The following CAMK4 variants were observed in gnomAD, a reference collection of about 807,000 sequenced individuals.
CAMK4 encodes the protein calcium/calmodulin-dependent protein kinase type IV.
In CAMK4, 22 loss-of-function variants were observed where a neutral mutation model predicts 44.9. The observed-to-expected ratio is 0.49, with a 90% CI of 0.35 to 0.70. The LOEUF (loss-of-function observed/expected upper bound fraction) is 0.70. Among genes scored for constraint, CAMK4 ranks in the 30% least tolerant of loss-of-function variants. The probability of loss-of-function intolerance (pLI) is 0.01; values close to 1 mark genes in which losing one functional copy is unlikely to be tolerated. For missense variants in CAMK4, 498 were observed against 586.8 expected (o/e 0.85, Z 1.56); for synonymous variants, 218 against 215.4 (o/e 1.01, Z -0.11).
chr5:111,279,070 T>C (rs1194971201), intron 1 of CAMK4, among the ~76,000 whole-genome samples: 1 of 152,148 alleles, frequency 6.6e-6, no homozygotes, highest in Non-Finnish European at 1.5e-5. Flanking sequence ...CCTTGGAATT[T>C]TGCAACACAG....
At chr5:111,470,243 C>G (rs1354054888) in intron 7 of CAMK4, among the ~76,000 whole-genome samples, 1 of 152,194 alleles carries the variant, frequency 6.6e-6, no homozygotes, top group Non-Finnish European at 1.5e-5. Flanking sequence ...GAAAGCTAAC[C>G]TGACAGAGTG....
intron 1 of CAMK4, among the ~76,000 whole-genome samples, chr5:111,267,929 G>T (rs908933162): frequency 1.3e-5 from 2 of 152,162 alleles, no homozygotes; most frequent in Non-Finnish European, 2.9e-5. Context: ...TTATTTGTCT[G>T]GGTAGCAAAC....
chr5:111,477,254 C>T (rs1253527091), intron 8 of CAMK4, among the ~76,000 whole-genome samples: 3 of 152,196 alleles, frequency 2.0e-5, no homozygotes, highest in Non-Finnish European at 4.4e-5. Flanking sequence ...TTCTCACTGG[C>T]TCCAGAATAT....
intron 3 of CAMK4, among the ~76,000 whole-genome samples, chr5:111,376,517 G>A (rs1024715715): frequency 6.6e-6 from 1 of 152,078 alleles, no homozygotes; most frequent in African/African-American, 2.4e-5. Context: ...GCCTCAAATG[G>A]TTTAGGAAGT....
chr5:111,335,053 C>T (rs947627140), intron 1 of CAMK4, among the ~76,000 whole-genome samples: 3 of 151,346 alleles, frequency 2.0e-5, no homozygotes, highest in African/African-American at 4.8e-5. Context: ...CCAGCTGGAG[C>T]GGAGAAACAT....
At chr5:111,357,594 A>T (rs1312964752) in intron 2 of CAMK4, among the ~76,000 whole-genome samples, 1 of 152,110 alleles carries the variant, frequency 6.6e-6, no homozygotes, top group Non-Finnish European at 1.5e-5. Flanking sequence ...CAAGTCATGG[A>T]ACTCCAAAAC....
intron 5 of CAMK4, among the ~76,000 whole-genome samples, chr5:111,408,838 C>T (rs930240607): frequency 6.6e-6 from 1 of 152,168 alleles, no homozygotes; most frequent in Non-Finnish European, 1.5e-5. Flanking sequence ...AGGCCCCATG[C>T]AAGTCTGAAA....
chr5:111,314,661 T>C (rs13160039), intron 1 of CAMK4, among the ~76,000 whole-genome samples: 1 of 152,098 alleles, frequency 6.6e-6, no homozygotes, highest in African/African-American at 2.4e-5. Flanking sequence ...TATACCCTGA[T>C]GTAATTGTGT....
At chr5:111,389,275 C>T (rs1012543208) in intron 4 of CAMK4, among the ~76,000 whole-genome samples, 2 of 152,128 alleles carry the variant, frequency 1.3e-5, no homozygotes, top group African/African-American at 4.8e-5. Flanking sequence ...ATGACAGAAT[C>T]ACCTCCCAAA....
chr5:111,367,098 C>T (rs1750820727), intron 2 of CAMK4, among the ~76,000 whole-genome samples: 1 of 150,620 alleles, frequency 6.6e-6, no homozygotes, highest in Non-Finnish European at 1.5e-5. Context: ...CCACTGCTGT[C>T]AATTTAGTTT....
At chr5:111,381,609 G>A (rs914371335) in intron 4 of CAMK4, among the ~76,000 whole-genome samples, 3 of 152,102 alleles carry the variant, frequency 2.0e-5, no homozygotes, top group African/African-American at 7.2e-5. Context: ...CCAGTTCATC[G>A]TTAATCTCCT....
rs552841514 is a variant in CAMK4 at position 111,265,222 on chromosome 5, G to T, written c.161+40578G>T. On this transcript the variant is annotated intron_variant, in intron 1 of 10. Coordinates refer to ENST00000282356, the MANE Select transcript of CAMK4 (RefSeq NM_001744.6). ...TGATATGCTTCATAAGTATTTCAGT[G>T]AAGTAATTAATGAATTTACTAAATA... Among the ~76,000 whole-genome samples, 7 of 152,246 alleles carry T rather than the reference G, an allele frequency of 4.6e-5. 1 individual carries two copies. In the South Asian group the frequency reaches 1.2e-3, roughly 27 times the overall value.
intron 7 of CAMK4, among the ~76,000 whole-genome samples, chr5:111,458,286 T>C (rs921698696): frequency 6.6e-6 from 1 of 152,188 alleles, no homozygotes; most frequent in South Asian, 2.1e-4. Context: ...TTGTTCTTGA[T>C]CATGGAGAGG....
At chr5:111,394,029 AAGAG>A (rs141027579) in intron 4 of CAMK4, among the ~76,000 whole-genome samples, 3 of 149,942 alleles carry the variant, frequency 2.0e-5, no homozygotes, top group African/African-American at 7.3e-5. Flanking sequence ...TGGCGGGGGG[AAGAG>A]AGAGAGAGAG....
intron 5 of CAMK4, among the ~76,000 whole-genome samples, chr5:111,443,869 G>A (rs1753935446): frequency 6.6e-6 from 1 of 152,122 alleles, no homozygotes; most frequent in Non-Finnish European, 1.5e-5. Context: ...GCAATTCTTA[G>A]ATATGTTCCA....
At chr5:111,246,743 TACCACCACA>T (rs1378370328) in intron 1 of CAMK4, among the ~76,000 whole-genome samples, 1 of 152,156 alleles carries the variant, frequency 6.6e-6, no homozygotes, top group African/African-American at 2.4e-5. Flanking sequence ...AGGCCCAGAT[TACCACCACA>T]CCTAAACAAA....
chr5:111,469,319 T>C (rs1444843970), intron 7 of CAMK4, among the ~76,000 whole-genome samples: 2 of 151,750 alleles, frequency 1.3e-5, no homozygotes, highest in East Asian at 3.9e-4. Context: ...ATTTTTAAGA[T>C]GAATTTATTA....
intron 7 of CAMK4, among the ~76,000 whole-genome samples, chr5:111,465,093 G>A (rs1163877142): frequency 6.6e-6 from 1 of 152,042 alleles, no homozygotes; most frequent in African/African-American, 2.4e-5. Context: ...TCTGCCCTGT[G>A]GAGTTTCCTC....
At chr5:111,226,112 C>T (rs1276211638) in intron 1 of CAMK4, among the ~76,000 whole-genome samples, 1 of 152,120 alleles carries the variant, frequency 6.6e-6, no homozygotes, top group Non-Finnish European at 1.5e-5. Context: ...AGAGGAAGTG[C>T]CTGATGCTGC....
Sources: gnomAD v4.1 joint callset for allele counts (sites outside exome capture counted in the v4.1 genomes callset) on GRCh38, gnomAD v4.1.1 for gene constraint, MANE v1.5 for transcripts, NCBI Gene and HGNC (gene_info 2026-07-23, HGNC 2026-07-21) for gene names.